Variants in PARM1 observed in about 807,000 individuals in gnomAD.
PARM1 encodes the protein prostate androgen-regulated mucin-like protein 1, also known as WSC4, cell wall integrity and stress response component 4 homolog.
In PARM1, 14 loss-of-function variants were observed where a neutral mutation model predicts 24.6. That is an observed-to-expected ratio of 0.57 (90% CI 0.38 to 0.89). The LOEUF (loss-of-function observed/expected upper bound fraction) is 0.89, where lower values mean the gene tolerates loss of function less well. PARM1 is among the 40% of genes least tolerant of loss of function. PARM1 has a pLI of 0.00. For synonymous variants in PARM1, 179 were observed against 156.6 expected, an observed-to-expected ratio of 1.14 and a Z score of -1.07; for missense variants, 362 against 380.4, an observed-to-expected ratio of 0.95 and a Z score of 0.40.
chr4:74,954,348 A>G (rs543717345), intron 1 of PARM1, among the ~76,000 whole-genome samples: 7 of 152,362 alleles, frequency 4.6e-5, no homozygotes, highest in Non-Finnish European at 1.0e-4. Context: ...AGTAAAAATG[A>G]TGACATTTAT....
chr4:75,011,554 A>G (rs907495991), intron 1 of PARM1, among the ~76,000 whole-genome samples: 1 of 152,196 alleles, frequency 6.6e-6, no homozygotes, highest in African/African-American at 2.4e-5. Context: ...CCAGGAGAGT[A>G]CTGGCACATA....
chr4:74,999,732 T>A (rs1165499799), intron 1 of PARM1, among the ~76,000 whole-genome samples: 2 of 152,148 alleles, frequency 1.3e-5, no homozygotes, highest in Non-Finnish European at 2.9e-5. Flanking sequence ...AATGAATATG[T>A]GCTAGCTTAT....
At chr4:75,013,948 GA>G in intron 2 of PARM1, among the ~76,000 whole-genome samples, 1 of 152,294 alleles carries the variant, frequency 6.6e-6, no homozygotes. Context: ...TGGGCAGGAA[GA>G]GTCTTTCATC....
chr4:75,029,601 C>T (rs936024759), intron 2 of PARM1, among the ~76,000 whole-genome samples: 1 of 152,166 alleles, frequency 6.6e-6, no homozygotes, highest in African/African-American at 2.4e-5. Flanking sequence ...GTCCATTAAA[C>T]CTTTTTTTAT....
chr4:74,942,505 C>G (rs185843781), intron 1 of PARM1, among the ~76,000 whole-genome samples: 2 of 152,372 alleles, frequency 1.3e-5, no homozygotes, highest in South Asian at 4.1e-4. Context: ...CCCTAGGGGG[C>G]TTATCTAAAG....
At chr4:75,029,786 G>T (rs753123563) in intron 2 of PARM1, among the ~76,000 whole-genome samples, 1 of 151,890 alleles carries the variant, frequency 6.6e-6, no homozygotes, top group Non-Finnish European at 1.5e-5. Context: ...CATAGGAGTA[G>T]GTACTCAGGT....
At chr4:74,968,429 A>G (rs1415438263) in intron 1 of PARM1, among the ~76,000 whole-genome samples, 1 of 152,254 alleles carries the variant, frequency 6.6e-6, no homozygotes, top group Non-Finnish European at 1.5e-5. Context: ...AGGATGCTGT[A>G]GTCTCTAATA....
intron 3 of PARM1, among the ~76,000 whole-genome samples, chr4:75,045,188 C>T (rs1310399820): frequency 3.3e-5 from 5 of 152,144 alleles, no homozygotes; most frequent in Admixed American, 3.3e-4. Flanking sequence ...AGTGCAAAGG[C>T]CCTGAGGCAA....
At chr4:74,935,223 A>G (rs1421112847) in intron 1 of PARM1, among the ~76,000 whole-genome samples, 1 of 151,942 alleles carries the variant, frequency 6.6e-6, no homozygotes, top group Non-Finnish European at 1.5e-5. Context: ...TCATTTCCCT[A>G]GTTATGCTTC....
chr4:75,028,570 CA>C (rs2109805905), intron 2 of PARM1, among the ~76,000 whole-genome samples: 1 of 152,302 alleles, frequency 6.6e-6, no homozygotes, highest in South Asian at 2.1e-4. Flanking sequence ...CAAAATAGAT[CA>C]GAGGCATGCA....
At chr4:75,025,583 G>A (rs1358634127) in intron 2 of PARM1, among the ~76,000 whole-genome samples, 4 of 152,228 alleles carry the variant, frequency 2.6e-5, no homozygotes, top group Middle Eastern at 3.4e-3. Context: ...GAACTGTGCC[G>A]TCATGTGTGC....
intron 1 of PARM1, among the ~76,000 whole-genome samples, chr4:75,008,478 C>G (rs556470346): frequency 6.6e-6 from 1 of 152,216 alleles, no homozygotes; most frequent in Non-Finnish European, 1.5e-5. Context: ...CCACTGGAAA[C>G]GACAATGCAA....
At chr4:75,016,286 C>A (rs1447550540) in intron 2 of PARM1, among the ~76,000 whole-genome samples, 2 of 152,182 alleles carry the variant, frequency 1.3e-5, no homozygotes, top group African/African-American at 2.4e-5. Context: ...AGGGTGGACA[C>A]ACTTGCATTC....
intron 1 of PARM1, among the ~76,000 whole-genome samples, chr4:74,939,857 A>G (rs1049533241): frequency 3.3e-5 from 5 of 152,196 alleles, no homozygotes; most frequent in African/African-American, 1.2e-4. Flanking sequence ...TTTAGAAAAC[A>G]TGTCTATTCA....
At chr4:74,988,510 T>C (rs1722402673) in intron 1 of PARM1, among the ~76,000 whole-genome samples, 2 of 152,216 alleles carry the variant, frequency 1.3e-5, no homozygotes, top group South Asian at 2.1e-4. Context: ...CAGTAAACTC[T>C]GTAGCGTGGA....
At chr4:74,934,200 A>C (rs1721128387) in intron 1 of PARM1, among the ~76,000 whole-genome samples, 2 of 152,222 alleles carry the variant, frequency 1.3e-5, no homozygotes, top group Middle Eastern at 3.4e-3. Context: ...GAGATTCAGA[A>C]AGACGCTTTG....
Position 74,933,304 on chromosome 4 carries a change from C to G in PARM1, c.-24C>G. ...CAAACTCCTTGCCGCCCGCCCCGGGCTGGGCACCAAATACCAGGCTACCAT... is the reference window on the plus strand; with the variant it reads ...CAAACTCCTTGCCGCCCGCCCCGGGGTGGGCACCAAATACCAGGCTACCAT... On this transcript the variant is annotated 5_prime_UTR_variant, in exon 1 of 4. Coordinates refer to ENST00000307428, the MANE Select transcript of PARM1 (RefSeq NM_015393.4). 1 of 1,606,406 alleles carries G rather than the reference C, an allele frequency of 6.2e-7. No individual in the cohort carries two copies. The highest frequency in any genetic ancestry group is 8.5e-7 in the Non-Finnish European group (1 of 1,175,810).
chr4:74,995,537 G>C (rs1056898678), intron 1 of PARM1, among the ~76,000 whole-genome samples: 1 of 152,132 alleles, frequency 6.6e-6, no homozygotes, highest in South Asian at 2.1e-4. Flanking sequence ...GAGAGAGCTA[G>C]TGAGGAGCCC....
intron 1 of PARM1, among the ~76,000 whole-genome samples, chr4:74,955,110 T>A (rs1051858453): frequency 1.6e-4 from 25 of 152,320 alleles, no homozygotes; most frequent in African/African-American, 6.0e-4. Flanking sequence ...ATTGAAAATG[T>A]ATAAGATATG....
Sources: allele counts gnomAD v4.1 joint callset (sites outside exome capture counted in the v4.1 genomes callset), GRCh38; gene constraint gnomAD v4.1.1; transcripts MANE v1.5; gene names NCBI Gene and HGNC (gene_info 2026-07-23, HGNC 2026-07-21).